The following OSBPL6 variants were observed in gnomAD, a reference collection of about 807,000 sequenced individuals.
The protein encoded by OSBPL6 is oxysterol-binding protein-related protein 6.
Under a neutral mutation model 125.8 loss-of-function variants are expected in OSBPL6, and 49 were observed. The ratio of observed to expected loss-of-function variants is 0.39; its 90% CI spans 0.31 to 0.49. OSBPL6 has a LOEUF of 0.49. Ranked by LOEUF, OSBPL6 falls within the 20% of genes least tolerant of loss-of-function variation. The pLI, the probability that OSBPL6 is intolerant of heterozygous loss-of-function variation, is 0.88. For synonymous variants in OSBPL6, 394 were observed against 391.8 expected (o/e 1.01, Z -0.07); for missense variants, 986 against 1,135.4 (o/e 0.87, Z 1.89).
At chr2:178,220,165 TG>T (rs1161327280) in intron 1 of OSBPL6, among the ~76,000 whole-genome samples, 3 of 152,174 alleles carry the variant, frequency 2.0e-5, no homozygotes, top group African/African-American at 7.2e-5. Flanking sequence ...ATGTGGAAAC[TG>T]GTTTGGCTGA....
chr2:178,395,740 G>T lies in OSBPL6; in HGVS notation c.*181G>T. 2.2e-6 allele frequency: 1 copy of T among 456,172 alleles called. No individual in the cohort carries two copies. The allele number at this position is 456,172 out of a possible 1,614,324, so 28.3% of individuals were successfully genotyped here. On this transcript the variant is annotated 3_prime_UTR_variant, in exon 25 of 25. Coordinates refer to ENST00000190611, the MANE Select transcript of OSBPL6 (RefSeq NM_032523.4). ...TAGACAAGGCCCCTAACCACTTTGG[G>T]ATCCTTTCTGTTTTGCTGCAACCAT...
At chr2:178,317,480 A>ATG (rs1687856667) in intron 3 of OSBPL6, among the ~76,000 whole-genome samples, 1 of 115,754 alleles carries the variant, frequency 8.6e-6, no homozygotes, top group Non-Finnish European at 1.7e-5. Context: ...ATATATATAT[A>ATG]GAATAATTAT....
At chr2:178,297,053 C>T (rs1237064813) in intron 2 of OSBPL6, among the ~76,000 whole-genome samples, 1 of 152,150 alleles carries the variant, frequency 6.6e-6, no homozygotes, top group Non-Finnish European at 1.5e-5. Flanking sequence ...TGTGGCCAGG[C>T]TAACCCATCA....
Position 178,382,714 on chromosome 2 carries a change from C to T in OSBPL6, c.1621+207C>T, listed in dbSNP as rs1694597460. ...TGTTAGGTAAATAGTTAAGAGAAAA[C>T]GTTTTTCCTCTTTCTCAAACCAACA... is the stretch of plus-strand genomic sequence containing the variant. On this transcript the variant is annotated intron_variant, in intron 16 of 24. Coordinates refer to ENST00000190611, the MANE Select transcript of OSBPL6 (RefSeq NM_032523.4). The T allele has an allele frequency of 7.0e-6, 10 of 1,438,518 alleles. No homozygotes were observed. In the South Asian group the frequency reaches 9.2e-5, roughly 13 times the overall value. 89.1% of individuals were successfully genotyped at this position (1,438,518 alleles called of 1,614,324 possible).
At chr2:178,273,820 A>G (rs994678661) in intron 1 of OSBPL6, among the ~76,000 whole-genome samples, 1 of 152,198 alleles carries the variant, frequency 6.6e-6, no homozygotes, top group African/African-American at 2.4e-5. Context: ...TAAGGCATAC[A>G]GCATACACTT....
At chr2:178,378,209 A>G (rs1305029263) in intron 15 of OSBPL6, among the ~76,000 whole-genome samples, 4 of 151,996 alleles carry the variant, frequency 2.6e-5, no homozygotes, top group African/African-American at 7.3e-5. Flanking sequence ...TATATTTCCT[A>G]TATTTCATTT....
intron 1 of OSBPL6, among the ~76,000 whole-genome samples, chr2:178,280,970 G>A (rs1225096498): frequency 1.4e-5 from 2 of 148,076 alleles, no homozygotes; most frequent in Non-Finnish European, 3.0e-5. Flanking sequence ...TTAATTAGAT[G>A]TCATTTGTCA....
intron 13 of OSBPL6, among the ~76,000 whole-genome samples, chr2:178,371,030 T>C (rs1400478012): frequency 6.6e-6 from 1 of 152,228 alleles, no homozygotes; most frequent in Non-Finnish European, 1.5e-5. Flanking sequence ...TATATTTGTG[T>C]ATGTATTGAT....
intron 1 of OSBPL6, among the ~76,000 whole-genome samples, chr2:178,200,245 A>G (rs990381876): frequency 3.7e-5 from 5 of 134,736 alleles, no homozygotes; most frequent in African/African-American, 8.7e-5. Context: ...GTTTCTTCAG[A>G]CCTTTTTTTT....
chr2:178,347,914 T>C (rs1222791741), intron 11 of OSBPL6, among the ~76,000 whole-genome samples: 1 of 152,218 alleles, frequency 6.6e-6, no homozygotes, highest in Admixed American at 6.5e-5. Flanking sequence ...GAAAGCTTCA[T>C]GCTCACTTTC....
chr2:178,311,454 C>T (rs1037083688), intron 3 of OSBPL6, among the ~76,000 whole-genome samples: 1 of 152,154 alleles, frequency 6.6e-6, no homozygotes, highest in African/African-American at 2.4e-5. Context: ...TATTTGTTTC[C>T]TGTTTATGTC....
At chr2:178,295,314 T>C (rs1472074665) in intron 2 of OSBPL6, among the ~76,000 whole-genome samples, 1 of 152,168 alleles carries the variant, frequency 6.6e-6, no homozygotes. Context: ...TAAGAATGCA[T>C]CTTGTTATTT....
chr2:178,227,588 A>G (rs2090617481), intron 1 of OSBPL6, among the ~76,000 whole-genome samples: 1 of 152,240 alleles, frequency 6.6e-6, no homozygotes, highest in Non-Finnish European at 1.5e-5. Flanking sequence ...ACTGTGGTAT[A>G]GTCATCCAAT....
intron 13 of OSBPL6, among the ~76,000 whole-genome samples, chr2:178,365,367 T>C (rs1217290173): frequency 1.3e-5 from 2 of 152,322 alleles, no homozygotes; most frequent in East Asian, 3.9e-4. Context: ...TACTTGAAAT[T>C]AGCATTTTTA....
chr2:178,343,723 G>A (rs375185453), intron 11 of OSBPL6, among the ~76,000 whole-genome samples: 1 of 152,080 alleles, frequency 6.6e-6, no homozygotes, highest in East Asian at 1.9e-4. Flanking sequence ...TCTTACTGAT[G>A]TTGAGTCCCA....
At chr2:178,324,780 G>A (rs550399226) in intron 4 of OSBPL6, among the ~76,000 whole-genome samples, 1 of 152,150 alleles carries the variant, frequency 6.6e-6, no homozygotes, top group Non-Finnish European at 1.5e-5. Context: ...CTTGCCCATA[G>A]TAAAAACATA....
In OSBPL6 at chr2:178,394,395, A is replaced by ATAT; in HGVS notation, c.2657_2658insATT (p.Met886delinsIleLeu). The stretch of plus-strand genomic sequence containing the variant: ...ACTCCAGAGATCTCGGAGACGATAT[A>ATAT]TGGAAGAAAACAATCTTGAACATAT... On this transcript the variant is annotated protein_altering_variant, in exon 24 of 25. Coordinates refer to ENST00000190611, the MANE Select transcript of OSBPL6 (RefSeq NM_032523.4). 6.2e-7 allele frequency: 1 copy of ATAT among 1,613,192 alleles called. No individual in the cohort carries two copies. Among genetic ancestry groups the ATAT allele is most frequent in the Non-Finnish European group, 8.5e-7 (1 of 1,179,538 alleles).
intron 3 of OSBPL6, among the ~76,000 whole-genome samples, chr2:178,316,363 T>C (rs1687735789): frequency 6.6e-6 from 1 of 152,232 alleles, no homozygotes; most frequent in Admixed American, 6.5e-5. Flanking sequence ...GTTAAAAAAA[T>C]GTTTATCAAA....
At position 178,343,533 on chromosome 2, in the gene OSBPL6, G is replaced by A. The variant is rs148172701; in HGVS notation, c.987+3769G>A. 2.1e-3 allele frequency among the ~76,000 whole-genome samples: 316 copies of A among 152,184 alleles called. 1 individual carries two copies. Among genetic ancestry groups the A allele is most frequent in the African/African-American group, 7.0e-3 (290 of 41,528 alleles). On this transcript the variant is annotated intron_variant, in intron 11 of 24. Transcript: ENST00000190611. Reference sequence around the variant, plus strand: ...AAAACAAAATGAAAGAAAGCTGTAGGATTCTTCTACCGGTTTGTGCATAGG... The same window carrying A: ...AAAACAAAATGAAAGAAAGCTGTAGAATTCTTCTACCGGTTTGTGCATAGG...
Sources: allele counts gnomAD v4.1 joint callset (sites outside exome capture counted in the v4.1 genomes callset), GRCh38; gene constraint gnomAD v4.1.1; transcripts MANE v1.5; gene names NCBI Gene and HGNC (gene_info 2026-07-23, HGNC 2026-07-21).